The following HS3ST2 variants were observed in gnomAD, a reference collection of about 807,000 sequenced individuals.
HS3ST2 encodes heparan sulfate-glucosamine 3-sulfotransferase 2.
HS3ST2 carries 17 observed loss-of-function variants against 26.3 expected under a neutral mutation model. The ratio of observed to expected loss-of-function variants is 0.65; its 90% confidence interval spans 0.44 to 0.97. HS3ST2 has a LOEUF of 0.97. Among genes scored for constraint, HS3ST2 ranks in the 50% least tolerant of loss-of-function variants. The pLI is 0.00. For missense variants in HS3ST2, 402 were observed against 501.2 expected (o/e 0.80, Z 1.89); for synonymous variants, 237 against 219.2 (o/e 1.08, Z -0.72).
At chr16:22,896,086 A>G (rs967754481) in intron 1 of HS3ST2, among the ~76,000 whole-genome samples, 1 of 152,084 alleles carries the variant, frequency 6.6e-6, no homozygotes, top group Non-Finnish European at 1.5e-5. Flanking sequence ...AGCTGGGACA[A>G]GAGGTGCACT....
At chr16:22,874,100 G>A (rs2238486) in intron 1 of HS3ST2, among the ~76,000 whole-genome samples, 63,166 of 151,996 alleles carry the variant, frequency 0.42, 13,660 homozygotes, top group Non-Finnish European at 0.46. Flanking sequence ...ACCTGGGAGG[G>A]CACTACCAGA....
chr16:22,909,735 C>T (rs1051541037), intron 1 of HS3ST2, among the ~76,000 whole-genome samples: 2 of 152,144 alleles, frequency 1.3e-5, no homozygotes, highest in Non-Finnish European at 2.9e-5. Flanking sequence ...CAACTGATAA[C>T]ACCAATTAGA....
chr16:22,894,117 G>A (rs868535426), intron 1 of HS3ST2, among the ~76,000 whole-genome samples: 5 of 152,020 alleles, frequency 3.3e-5, no homozygotes, highest in African/African-American at 9.7e-5. Flanking sequence ...TACCACACCC[G>A]TCCATGCTTT....
At chr16:22,831,192 G>A (rs934024635) in intron 1 of HS3ST2, among the ~76,000 whole-genome samples, 1 of 152,238 alleles carries the variant, frequency 6.6e-6, no homozygotes, top group Admixed American at 6.5e-5. Context: ...GATGTGATTA[G>A]ATGACATTTA....
intron 1 of HS3ST2, among the ~76,000 whole-genome samples, chr16:22,818,937 C>T (rs868397291): frequency 2.9e-4 from 1 of 3,470 alleles, no homozygotes; most frequent in African/African-American, 5.7e-3. Context: ...CTCCCTCCCT[C>T]CCTTCCTTCC....
At chr16:22,886,856 G>A (rs117982280) in intron 1 of HS3ST2, among the ~76,000 whole-genome samples, 1,583 of 152,032 alleles carry the variant, frequency 0.01, 18 homozygotes, top group Non-Finnish European at 0.016. Flanking sequence ...AAGCTCCTGG[G>A]CTCAAACGGT....
chr16:22,889,304 G>A (rs1030425081), intron 1 of HS3ST2, among the ~76,000 whole-genome samples: 3 of 152,182 alleles, frequency 2.0e-5, no homozygotes, highest in African/African-American at 4.8e-5. Context: ...TAATAAGTAC[G>A]GAGGGAAGTT....
At chr16:22,815,279 G>T (rs1487919331) in intron 1 of HS3ST2, among the ~76,000 whole-genome samples, 184 bp downstream of exon 1, 3 of 152,256 alleles carry the variant, frequency 2.0e-5, no homozygotes, top group African/African-American at 7.2e-5. Context: ...ATCTAGACGG[G>T]CAGTTTCTGG....
intron 1 of HS3ST2, among the ~76,000 whole-genome samples, chr16:22,847,872 AAG>A (rs1491410743): frequency 6.8e-6 from 1 of 147,706 alleles, no homozygotes; most frequent in East Asian, 1.9e-4. Context: ...AAGAAAAAAA[AAG>A]AAAGAAAGAG....
intron 1 of HS3ST2, among the ~76,000 whole-genome samples, chr16:22,817,930 C>T (rs903361424): frequency 2.6e-5 from 4 of 152,134 alleles, no homozygotes; most frequent in Non-Finnish European, 5.9e-5. Flanking sequence ...AGCTGAAGGC[C>T]GAGTGATATA....
intron 1 of HS3ST2, among the ~76,000 whole-genome samples, chr16:22,897,432 C>T (rs1902225318): frequency 6.6e-6 from 1 of 152,084 alleles, no homozygotes; most frequent in Admixed American, 6.6e-5. Context: ...TTGGCTGCAC[C>T]AATATTGTTT....
At chr16:22,852,897 C>T (rs876009) in intron 1 of HS3ST2, among the ~76,000 whole-genome samples, 8,094 of 152,202 alleles carry the variant, frequency 0.053, 465 homozygotes, top group African/African-American at 0.14. Context: ...GATATTTTTA[C>T]GTAGTCTTGG....
intron 1 of HS3ST2, among the ~76,000 whole-genome samples, chr16:22,849,076 G>T (rs187911607): frequency 6.6e-6 from 1 of 152,034 alleles, no homozygotes; most frequent in African/African-American, 2.4e-5. Flanking sequence ...CTTGTTTTTC[G>T]CATCTAAGAA....
chr16:22,867,860 T>G (rs193204941), intron 1 of HS3ST2, among the ~76,000 whole-genome samples: 3 of 152,330 alleles, frequency 2.0e-5, no homozygotes, highest in Admixed American at 6.5e-5. Context: ...GGAGGATGTT[T>G]AGTATAGTTT....
intron 1 of HS3ST2, among the ~76,000 whole-genome samples, chr16:22,874,988 T>C (rs911899486): frequency 2.6e-5 from 4 of 152,172 alleles, no homozygotes; most frequent in African/African-American, 9.7e-5. Context: ...GTGGCCAGCA[T>C]TGACAGAACA....
At chr16:22,901,922 A>G (rs1464958264) in intron 1 of HS3ST2, among the ~76,000 whole-genome samples, 1 of 152,182 alleles carries the variant, frequency 6.6e-6, no homozygotes, top group African/African-American at 2.4e-5. Flanking sequence ...CAAAAAATAC[A>G]TGCTCATGGC....
At chr16:22,832,985 C>T (rs1340773693) in intron 1 of HS3ST2, among the ~76,000 whole-genome samples, 1 of 152,014 alleles carries the variant, frequency 6.6e-6, no homozygotes, top group Admixed American at 6.5e-5. Flanking sequence ...TGGGGGACAA[C>T]ATCTACCCTG....
At chr16:22,856,108 C>T (rs1328434297) in intron 1 of HS3ST2, among the ~76,000 whole-genome samples, 1 of 152,174 alleles carries the variant, frequency 6.6e-6, no homozygotes, top group Admixed American at 6.5e-5. Context: ...CCACTTAATT[C>T]TGCAAAAGCA....
intron 1 of HS3ST2, among the ~76,000 whole-genome samples, chr16:22,819,368 T>A (rs1000696104): frequency 1.3e-5 from 2 of 152,112 alleles, no homozygotes; most frequent in Non-Finnish European, 2.9e-5. Context: ...TAAGGTTATC[T>A]TTAGGATGCT....
Sources: gnomAD v4.1 joint callset for allele counts (sites outside exome capture counted in the v4.1 genomes callset) on GRCh38, gnomAD v4.1.1 for gene constraint, MANE v1.5 for transcripts, NCBI Gene and HGNC (gene_info 2026-07-23, HGNC 2026-07-21) for gene names.